The following ITPR1 variants were observed in gnomAD, a reference collection of about 807,000 sequenced individuals.
ITPR1 encodes the protein inositol 1,4,5-trisphosphate-gated calcium channel ITPR1.
A neutral mutation model predicts 318.4 loss-of-function variants in ITPR1; 96 were observed. That is an observed-to-expected ratio of 0.30 (90% CI 0.26 to 0.36). The LOEUF (loss-of-function observed/expected upper bound fraction) is 0.36, where lower values mean the gene tolerates loss of function less well. Ranked by LOEUF, ITPR1 falls within the 10% of genes least tolerant of loss-of-function variation. The pLI, the probability that ITPR1 is intolerant of heterozygous loss-of-function variation, is 1.00. For synonymous variants in ITPR1, 1,312 were observed against 1,289.9 expected, an observed-to-expected ratio of 1.02 and a Z score of -0.37; for missense variants, 2,440 against 3,460.2, an observed-to-expected ratio of 0.71 and a Z score of 7.40.
At chr3:4,565,289 T>C (rs1008185499) in intron 4 of ITPR1, among the ~76,000 whole-genome samples, 3 of 152,206 alleles carry the variant, frequency 2.0e-5, no homozygotes, top group Non-Finnish European at 4.4e-5. Context: ...CTAGAGTTGA[T>C]AGAATAGTCA....
At chr3:4,554,449 G>T (rs565369138) in intron 4 of ITPR1, among the ~76,000 whole-genome samples, 2 of 152,292 alleles carry the variant, frequency 1.3e-5, no homozygotes, top group Non-Finnish European at 2.9e-5. Context: ...TTTTTTGTGG[G>T]CATGAATCAA....
chr3:4,777,693 C>A (rs2046564799), intron 48 of ITPR1, among the ~76,000 whole-genome samples: 1 of 151,530 alleles, frequency 6.6e-6, no homozygotes. Context: ...AAGAGAGAAA[C>A]AGTGGAAACG....
At position 4,697,056 on chromosome 3, in the gene ITPR1, T is replaced by A. The variant is rs539205966; in HGVS notation, c.4282-91T>A. The A allele has an allele frequency of 4.8e-4, 576 of 1,212,414 alleles. 2 individuals carry two copies. In the African/African-American group the frequency reaches 7.9e-3, roughly 17 times the overall value. The allele number at this position is 1,212,414 out of a possible 1,614,324, so 75.1% of individuals were successfully genotyped here. On this transcript the variant is annotated intron_variant, in intron 33 of 61. Transcript: ENST00000649015. Reference sequence around the variant, plus strand: ...TGGCAGTGGGGAATGGGATGACCATTTTCATCGGTCCTTGCTGTGAAGTTG... The same window carrying A: ...TGGCAGTGGGGAATGGGATGACCATATTCATCGGTCCTTGCTGTGAAGTTG...
intron 50 of ITPR1, 102 bp downstream of exon 50, chr3:4,782,843 C>T: frequency 8.9e-7 from 1 of 1,120,038 alleles, no homozygotes; most frequent in Non-Finnish European, 1.2e-6. Flanking sequence ...ATGACTTTAA[C>T]CTAGGACTGT....
chr3:4,787,551 A>AAAT (rs10670738), intron 51 of ITPR1, among the ~76,000 whole-genome samples: 1 of 149,004 alleles, frequency 6.7e-6, no homozygotes, highest in Non-Finnish European at 1.5e-5. Flanking sequence ...AAAAAAAAAA[A>AAAT]GCCAGGCGTG....
chr3:4,765,089 G>T (rs111570188), intron 44 of ITPR1, among the ~76,000 whole-genome samples: 1 of 152,040 alleles, frequency 6.6e-6, no homozygotes, highest in South Asian at 2.1e-4. Context: ...GAAAAGAAAC[G>T]AGGCAGTAAA....
intron 33 of ITPR1, among the ~76,000 whole-genome samples, chr3:4,695,199 T>C (rs1048454856): frequency 6.6e-6 from 1 of 152,190 alleles, no homozygotes; most frequent in African/African-American, 2.4e-5. Flanking sequence ...AGCAATGAGA[T>C]TGCATTCTTT....
intron 4 of ITPR1, among the ~76,000 whole-genome samples, chr3:4,564,145 A>C (rs1353107551): frequency 6.6e-6 from 1 of 152,018 alleles, no homozygotes; most frequent in Non-Finnish European, 1.5e-5. Context: ...TTCACCATGT[A>C]GGTCAGGCTG....
At position 4,838,162 on chromosome 3, in the gene ITPR1, C is replaced by A. The variant is rs149446489; in HGVS notation, c.8190+1227C>A. Among the ~76,000 whole-genome samples the A allele has an allele frequency of 1.7e-3, 255 of 152,154 alleles. 1 individual carries two copies. Among genetic ancestry groups the A allele is most frequent in the African/African-American group, 6.0e-3 (249 of 41,508 alleles). ...CTGAGATACCATTTGGCCTCAAGTT[C>A]TTTTCTTTCGTCTGTATTAAGGTGC... On this transcript the variant is annotated intron_variant, in intron 61 of 61. Transcript: ENST00000649015.
Position 4,782,601 on chromosome 3 carries a change from C to G in ITPR1, c.6388-18C>G. On this transcript the variant is annotated intron_variant, in intron 49 of 61. Coordinates refer to ENST00000649015, the MANE Select transcript of ITPR1 (RefSeq NM_001378452.1). ...CTTCCTTGAAACAGGATTTTTGTTC[C>G]CTTGGCTCTTCTTGCAGGTGGAAGT... 1 of 1,594,962 alleles carries G rather than the reference C, an allele frequency of 6.3e-7. No homozygotes were observed. The highest frequency in any genetic ancestry group is 8.5e-7 in the Non-Finnish European group (1 of 1,170,504).
At chr3:4,824,398 G>T (rs959545720) in intron 60 of ITPR1, among the ~76,000 whole-genome samples, 2 of 152,156 alleles carry the variant, frequency 1.3e-5, no homozygotes, top group Non-Finnish European at 2.9e-5. Context: ...TTGCAGGGTC[G>T]CGGCGCTGGG....
At chr3:4,814,702 C>T in intron 58 of ITPR1, 140 bp downstream of exon 58, 1 of 750,258 alleles carries the variant, frequency 1.3e-6, no homozygotes, top group South Asian at 1.8e-5. Flanking sequence ...GGAACTAGCT[C>T]ATCAGGCTCC....
intron 23 of ITPR1, among the ~76,000 whole-genome samples, chr3:4,676,355 T>TA (rs1372203661): frequency 1.3e-5 from 2 of 151,604 alleles, no homozygotes; most frequent in Non-Finnish European, 2.9e-5. Context: ...TAAAGAAAAT[T>TA]AAAAAAAATA....
At position 4,740,394 on chromosome 3, in the gene ITPR1, A is replaced by G. The variant is rs1179626972; in HGVS notation, c.5544+5040A>G. ...TAAGAAAATTCAGTCCTGCCTTAGG[A>G]TAAGCTCACTGGGAATCACAGCACT... On this transcript the variant is annotated intron_variant, in intron 44 of 61. Transcript: ENST00000649015. Among the ~76,000 whole-genome samples the G allele has an allele frequency of 2.0e-5, 3 of 152,198 alleles. No homozygotes were observed. The East Asian group carries it at 5.8e-4, about 29-fold the overall frequency.
rs771859497 is a variant in ITPR1, at chr3:4,675,111, A to C, written c.2642A>C (p.Asn881Thr). Reference protein sequence around the residue: ...ARNLIYFGFYNFSDLLRLTKI... With the variant: ...ARNLIYFGFYTFSDLLRLTKI... Reference sequence around the variant, plus strand: ...AATCTCATATACTTTGGTTTCTACAACTTCTCTGACCTTCTACGATTAACT... The same window carrying C: ...AATCTCATATACTTTGGTTTCTACACCTTCTCTGACCTTCTACGATTAACT... Residue 881 changes from asparagine to threonine, a missense_variant, in exon 23 of 62, where the codon AAC (asparagine) becomes ACC (threonine). This residue lies in a region of ITPR1 where 478 missense variants were observed against 696.3 expected (regional missense o/e 0.69). Coordinates refer to ENST00000649015, the MANE Select transcript of ITPR1 (RefSeq NM_001378452.1). The C allele has an allele frequency of 1.2e-6, 2 of 1,605,182 alleles. No individual in the cohort carries two copies. The highest frequency in any genetic ancestry group is 1.7e-6 in the Non-Finnish European group (2 of 1,172,228).
At chr3:4,634,926 A>G (rs1215389000) in intron 5 of ITPR1, among the ~76,000 whole-genome samples, 1 of 152,208 alleles carries the variant, frequency 6.6e-6, no homozygotes, top group Non-Finnish European at 1.5e-5. Context: ...TATTTTTAGT[A>G]GAAACGGGGT....
intron 44 of ITPR1, among the ~76,000 whole-genome samples, chr3:4,746,841 G>C (rs1304387853): frequency 6.6e-6 from 1 of 152,128 alleles, no homozygotes; most frequent in East Asian, 1.9e-4. Flanking sequence ...CTTACTTTTT[G>C]GTTGTTTATC....
At chr3:4,618,130 A>G (rs902067214) in intron 4 of ITPR1, among the ~76,000 whole-genome samples, 1 of 152,198 alleles carries the variant, frequency 6.6e-6, no homozygotes, top group Non-Finnish European at 1.5e-5. Flanking sequence ...TTGGAACTAG[A>G]TAAAGACGAT....
chr3:4,653,719 A>C lies in ITPR1; in HGVS notation c.952-123A>C. On this transcript the variant is annotated intron_variant, in intron 11 of 61. Coordinates refer to ENST00000649015, the MANE Select transcript of ITPR1 (RefSeq NM_001378452.1). ...CGTGGCATGCTGGTTTTGTGAACAG[A>C]GGGAATGGACAAGTTCTTAGCTGTT... 5 of 652,214 alleles carry C rather than the reference A, an allele frequency of 7.7e-6. No homozygotes were observed. The Admixed American group carries it at 1.2e-4, about 16-fold the overall frequency. The allele number at this position is 652,214 out of a possible 1,614,324, so 40.4% of individuals were successfully genotyped here.
Sources: gnomAD v4.1 joint callset for allele counts (sites outside exome capture counted in the v4.1 genomes callset) on GRCh38, gnomAD v4.1.1 for gene constraint, gnomAD v4.1.1 regional missense constraint, MANE v1.5 for transcripts, NCBI Gene and HGNC (gene_info 2026-07-23, HGNC 2026-07-21) for gene names.